Variants in PPL observed in about 807,000 individuals in gnomAD.
The protein encoded by PPL is periplakin.
In PPL, 198 loss-of-function variants were observed where a neutral mutation model predicts 194.4. The ratio of observed to expected loss-of-function variants is 1.02; its 90% CI spans 0.91 to 1.15. PPL has a LOEUF of 1.15. PPL is among the 50% of genes most tolerant of loss of function. The pLI, the probability that PPL is intolerant of heterozygous loss-of-function variation, is 0.00. For missense variants in PPL, 2,885 were observed against 2,294.8 expected (o/e 1.26, Z -5.25); for synonymous variants, 1,220 against 972.4 (o/e 1.25, Z -4.74).
At chr16:4,900,938 C>A (rs758485449) in intron 5 of PPL, 26 bp downstream of exon 5, 4 of 1,614,012 alleles carry the variant, frequency 2.5e-6, no homozygotes, top group Non-Finnish European at 3.4e-6. Context: ...ATCCCTGGGT[C>A]CCCACCACAC....
intron 1 of PPL, among the ~76,000 whole-genome samples, chr16:4,915,872 C>A (rs2088906565): frequency 1.3e-5 from 2 of 152,062 alleles, no homozygotes; most frequent in Admixed American, 1.3e-4. Flanking sequence ...CCAAAGTCAC[C>A]CAGCAATTAG....
At chr16:4,917,357 A>G (rs1266412929) in intron 1 of PPL, among the ~76,000 whole-genome samples, 2 of 152,184 alleles carry the variant, frequency 1.3e-5, no homozygotes, top group East Asian at 3.9e-4. Context: ...CAGCTGCTAC[A>G]GCCTCAGGAA....
chr16:4,926,153 G>C (rs960633157), intron 1 of PPL, among the ~76,000 whole-genome samples: 1 of 152,166 alleles, frequency 6.6e-6, no homozygotes. Flanking sequence ...AACTAGTTGA[G>C]GTACGTGCTA....
At chr16:4,907,758 GAAAT>G (rs562332681) in intron 2 of PPL, among the ~76,000 whole-genome samples, 121 of 152,274 alleles carry the variant, frequency 7.9e-4, no homozygotes, top group Non-Finnish European at 1.3e-3. Context: ...ACTGGGAAAT[GAAAT>G]AAATAGTAGT....
chr16:4,902,378 G>A lies in PPL; in HGVS notation c.438+28C>T. 6.2e-7 allele frequency: 1 copy of A among 1,612,114 alleles called. No homozygotes were observed. The highest frequency in any genetic ancestry group is 8.5e-7 in the Non-Finnish European group (1 of 1,178,990). The stretch of plus-strand genomic sequence containing the variant: ...CAGCCCCCTCCCCAGCTGAAACCCT[G>A]GAGCCAGCGGCCCCGTCCAGGCCAT... On this transcript the variant is annotated intron_variant, in intron 4 of 21. Coordinates refer to ENST00000345988, the MANE Select transcript of PPL (RefSeq NM_002705.5). The surrounding 1 kb of genome is among the most constrained non-coding windows in gnomAD (Gnocchi z 4.0).
Position 4,895,728 on chromosome 16 carries a change from G to A in PPL, c.973-12C>T, listed in dbSNP as rs1157731526. The A allele has an allele frequency of 1.2e-6, 2 of 1,613,620 alleles. No homozygotes were observed. The highest frequency in any genetic ancestry group is 2.2e-5 in the South Asian group (2 of 91,082). On this transcript the variant is annotated splice_polypyrimidine_tract_variant and intron_variant, in intron 9 of 21. Coordinates refer to ENST00000345988, the MANE Select transcript of PPL (RefSeq NM_002705.5). ...ACGTCTTCGTGAAACTAGGGGAGAAGGTGGCTCTGTTACAGCCAGGAAACC... is the reference window on the plus strand; with the variant it reads ...ACGTCTTCGTGAAACTAGGGGAGAAAGTGGCTCTGTTACAGCCAGGAAACC...
chr16:4,890,557 G>T (rs925887787), intron 17 of PPL, among the ~76,000 whole-genome samples, 171 bp downstream of exon 17: 1 of 152,156 alleles, frequency 6.6e-6, no homozygotes, highest in Non-Finnish European at 1.5e-5. Flanking sequence ...TGGATTACAG[G>T]ACCCAGGTAA....
intron 1 of PPL, among the ~76,000 whole-genome samples, chr16:4,919,464 A>C (rs945950610): frequency 6.6e-6 from 1 of 152,128 alleles, no homozygotes; most frequent in African/African-American, 2.4e-5. Context: ...GTTTCTCACT[A>C]TGTTGACCAG....
At chr16:4,907,326 A>T (rs1419340005) in intron 2 of PPL, among the ~76,000 whole-genome samples, 2 of 146,928 alleles carry the variant, frequency 1.4e-5, no homozygotes, top group Admixed American at 6.7e-5. Context: ...ACACACACAC[A>T]CACACACACA....
chr16:4,926,201 G>A (rs1264360889), intron 1 of PPL, among the ~76,000 whole-genome samples: 2 of 152,180 alleles, frequency 1.3e-5, no homozygotes, highest in African/African-American at 4.8e-5. Flanking sequence ...TGAGCCTCAG[G>A]AAGACCACTT....
At chr16:4,933,180 G>T (rs895342020) in intron 1 of PPL, among the ~76,000 whole-genome samples, 3 of 151,984 alleles carry the variant, frequency 2.0e-5, no homozygotes, top group Admixed American at 6.6e-5. Flanking sequence ...AAAACACTGT[G>T]TTCTTAACCA....
rs755929226 is a variant in PPL at position 4,885,498 on chromosome 16, T to C, written c.3157A>G (p.Thr1053Ala). The C allele has an allele frequency of 1.4e-5, 23 of 1,611,714 alleles. No homozygotes were observed. Among genetic ancestry groups the C allele is most frequent in the Non-Finnish European group, 1.9e-5 (23 of 1,179,918 alleles). The change falls in exon 22 of 22, where the codon ACA becomes GCA. Residue 1053 changes from threonine to alanine, a missense_variant. Transcript: ENST00000345988. This position sits in a 1 kb window ranked among gnomAD's most constrained non-coding sequence, Gnocchi z 6.3. ...TGCAGTTTCACCACCTCTTTCTCTG[T>C]GACCTTCTCCTGCGCCCGGCTCTTC... ...EEKSRAQEKV[T>A]EKEVVKLQND...
intron 19 of PPL, 70 bp from the exon 20 acceptor site, chr16:4,888,288 C>T (rs867711906): frequency 1.8e-6 from 2 of 1,127,402 alleles, no homozygotes; most frequent in African/African-American, 1.5e-5. Context: ...GTTCCTGTAC[C>T]CCTTCAGGCT....
intron 11 of PPL, 109 bp from the exon 12 acceptor site, chr16:4,894,727 A>C: frequency 7.7e-7 from 1 of 1,297,644 alleles, no homozygotes; most frequent in South Asian, 1.4e-5. Flanking sequence ...CCGGCTCATC[A>C]CTTGGACCCT....
At chr16:4,919,507 TC>T (rs2088993686) in intron 1 of PPL, among the ~76,000 whole-genome samples, 1 of 152,176 alleles carries the variant, frequency 6.6e-6, no homozygotes, top group Non-Finnish European at 1.5e-5. Context: ...CAAGTGATCC[TC>T]CCATCTCGGC....
Position 4,884,352 on chromosome 16 carries a change from C to A in PPL, c.4303G>T (p.Ala1435Ser). The A allele has an allele frequency of 6.2e-7, 1 of 1,612,568 alleles. No individual in the cohort carries two copies. Among genetic ancestry groups the A allele is most frequent in the Non-Finnish European group, 8.5e-7 (1 of 1,179,712 alleles). The change falls in exon 22 of 22, where the codon GCT becomes TCT. Residue 1435 changes from alanine (A) to serine (S), a missense_variant. By Grantham distance (99) the Ala-to-Ser change is moderately conservative (BLOSUM62 1). Coordinates refer to ENST00000345988, the MANE Select transcript of PPL (RefSeq NM_002705.5). This position sits in a 1 kb window ranked among gnomAD's most constrained non-coding sequence, Gnocchi z 5.7. ...TGGGTTACCTTCTCACGGGCCTCAG[C>A]TTCTTCCTGCTCCAGCGCTGCCAGC... ...QRLAALEQEE[A>S]EAREKVTHTQ...
At chr16:4,917,121 G>A (rs965916500) in intron 1 of PPL, among the ~76,000 whole-genome samples, 1 of 151,902 alleles carries the variant, frequency 6.6e-6, no homozygotes, top group Non-Finnish European at 1.5e-5. Context: ...GATGGAGCAA[G>A]ACTCCATCTC....
intron 1 of PPL, among the ~76,000 whole-genome samples, chr16:4,929,338 A>G (rs1376722609): frequency 6.6e-6 from 1 of 151,706 alleles, no homozygotes; most frequent in Non-Finnish European, 1.5e-5. Context: ...TTCCTCTCCC[A>G]GACCTTTTAT....
intron 1 of PPL, among the ~76,000 whole-genome samples, chr16:4,923,705 T>C (rs572977381): frequency 1.3e-5 from 2 of 152,268 alleles, no homozygotes; most frequent in South Asian, 4.1e-4. Flanking sequence ...TTAGTCTCTC[T>C]GTGCCTCAGT....
Sources: allele counts gnomAD v4.1 joint callset (sites outside exome capture counted in the v4.1 genomes callset), GRCh38; gene constraint gnomAD v4.1.1; non-coding constraint Gnocchi (gnomAD v3.1); transcripts MANE v1.5; gene names NCBI Gene and HGNC (gene_info 2026-07-23, HGNC 2026-07-21).